Variants in SNX31 observed in about 807,000 individuals in gnomAD.
SNX31 encodes the protein sorting nexin-31.
Under a neutral mutation model 65.4 loss-of-function variants are expected in SNX31, and 58 were observed. That is an observed-to-expected ratio of 0.89 (90% CI 0.72 to 1.10). The LOEUF (loss-of-function observed/expected upper bound fraction) is 1.10. Among genes scored for constraint, SNX31 ranks in the 50% least tolerant of loss-of-function variants. The probability of loss-of-function intolerance (pLI) is 0.00; values close to 1 mark genes in which losing one functional copy is unlikely to be tolerated. For synonymous variants in SNX31, 181 were observed against 190.1 expected, an observed-to-expected ratio of 0.95 and a Z score of 0.39; for missense variants, 523 against 529.7, an observed-to-expected ratio of 0.99 and a Z score of 0.12.
At chr8:100,589,191 C>A (rs1814344276) in intron 10 of SNX31, among the ~76,000 whole-genome samples, 1 of 150,802 alleles carries the variant, frequency 6.6e-6, no homozygotes, top group Non-Finnish European at 1.5e-5. Flanking sequence ...ATCCCAGCTA[C>A]TTGGGAGGCT....
chr8:100,596,815 G>T lies in SNX31; in HGVS notation c.802C>A (p.His268Asn). ...GGATCCAGCTGCAGGTATCCATAGTGCCGTACCTCCCGGGCCAGCTCCAAA... is the reference window on the plus strand; with the variant it reads ...GGATCCAGCTGCAGGTATCCATAGTTCCGTACCTCCCGGGCCAGCTCCAAA... ...KFLELAREVR[H>N]YGYLQLDPCT... Residue 268 changes from histidine to asparagine, a missense_variant, in exon 10 of 14, where the codon CAC (histidine) becomes AAC (asparagine). Physicochemically the swap from His to Asn is moderately conservative, Grantham distance 68. Transcript: ENST00000311812. 6.2e-7 allele frequency: 1 copy of T among 1,613,894 alleles called. No homozygotes were observed. The highest frequency in any genetic ancestry group is 1.7e-4 in the Middle Eastern group (1 of 5,860).
In SNX31 at chr8:100,609,141, C is replaced by G. The variant is rs533196153; in HGVS notation, c.612-578G>C. ...TCAAGGCCCTTCCGGGGACCACCCC[C>G]ACTTTCATTTCCAGTTCCATCTCTC... On this transcript the variant is annotated intron_variant, in intron 7 of 13. Transcript: ENST00000311812. The surrounding 1 kb of genome is among the most constrained non-coding windows in gnomAD (Gnocchi z 4.9). Among the ~76,000 whole-genome samples the G allele has an allele frequency of 6.6e-6, 1 of 152,162 alleles. No homozygotes were observed. Among genetic ancestry groups the G allele is most frequent in the Non-Finnish European group, 1.5e-5 (1 of 68,038 alleles).
chr8:100,636,768 C>T (rs979469995), intron 2 of SNX31, among the ~76,000 whole-genome samples: 1 of 152,064 alleles, frequency 6.6e-6, no homozygotes, highest in Non-Finnish European at 1.5e-5. Flanking sequence ...GTTGCCCAGG[C>T]TGGAGTGCAA....
At chr8:100,627,047 T>A (rs1230016973) in intron 4 of SNX31, among the ~76,000 whole-genome samples, 1 of 152,096 alleles carries the variant, frequency 6.6e-6, no homozygotes, top group Non-Finnish European at 1.5e-5. Flanking sequence ...TTTCAAATTA[T>A]CAGGAAAATA....
chr8:100,581,266 T>G (rs1219773524), intron 12 of SNX31, among the ~76,000 whole-genome samples: 1 of 150,816 alleles, frequency 6.6e-6, no homozygotes, highest in Non-Finnish European at 1.5e-5. Flanking sequence ...ACCACTGCAC[T>G]CCAGCCTGGG....
chr8:100,644,225 G>T (rs1819470588), intron 2 of SNX31, among the ~76,000 whole-genome samples: 1 of 152,112 alleles, frequency 6.6e-6, no homozygotes, highest in Admixed American at 6.6e-5. Context: ...TCCTACTGAC[G>T]GGTCCTTTGC....
At chr8:100,603,839 G>A (rs1174576750) in intron 8 of SNX31, among the ~76,000 whole-genome samples, 5 of 151,828 alleles carry the variant, frequency 3.3e-5, no homozygotes, top group Admixed American at 2.0e-4. Context: ...CTGGGCTTAA[G>A]CCATAGTCTT....
chr8:100,619,433 G>A (rs1018177435), intron 4 of SNX31, among the ~76,000 whole-genome samples: 1 of 152,202 alleles, frequency 6.6e-6, no homozygotes, highest in Non-Finnish European at 1.5e-5. Flanking sequence ...TCCTGCAAGG[G>A]GAAGGATGTG....
chr8:100,608,160 T>C (rs1816348255), intron 8 of SNX31, among the ~76,000 whole-genome samples: 1 of 152,256 alleles, frequency 6.6e-6, no homozygotes, highest in African/African-American at 2.4e-5. Flanking sequence ...ATTGTTATCG[T>C]GGTAAAATAT....
intron 2 of SNX31, among the ~76,000 whole-genome samples, chr8:100,637,274 C>G (rs1818844786): frequency 6.6e-6 from 1 of 152,148 alleles, no homozygotes; most frequent in African/African-American, 2.4e-5. Context: ...AGGTAAGGCA[C>G]AGATTCATTC....
intron 12 of SNX31, 82 bp from the exon 13 acceptor site, chr8:100,577,157 C>G (rs1046785139): frequency 1.6e-6 from 2 of 1,213,722 alleles, no homozygotes; most frequent in African/African-American, 3.0e-5. Flanking sequence ...CACACTTTCC[C>G]TTCCACGATA....
At chr8:100,644,898 A>G (rs549618156) in intron 2 of SNX31, among the ~76,000 whole-genome samples, 38 of 152,306 alleles carry the variant, frequency 2.5e-4, no homozygotes, top group African/African-American at 7.9e-4. Flanking sequence ...CTTGAGCTGA[A>G]GTGATCCACC....
intron 4 of SNX31, among the ~76,000 whole-genome samples, chr8:100,620,915 C>T (rs150012249): frequency 4.6e-5 from 7 of 151,952 alleles, no homozygotes; most frequent in South Asian, 4.1e-4. Flanking sequence ...GTCAGGAGTT[C>T]GAGACCAGCT....
chr8:100,591,476 G>C (rs1814577281), intron 10 of SNX31, among the ~76,000 whole-genome samples: 2 of 130,030 alleles, frequency 1.5e-5, no homozygotes, highest in African/African-American at 6.2e-5. Flanking sequence ...GCAACAGAGT[G>C]AGACTCCGTC....
At chr8:100,632,283 C>G (rs1818464247) in intron 3 of SNX31, among the ~76,000 whole-genome samples, 1 of 152,104 alleles carries the variant, frequency 6.6e-6, no homozygotes, top group Non-Finnish European at 1.5e-5. Context: ...ATTAAAGGAA[C>G]ATTTTGCTAA....
Position 100,614,750 on chromosome 8 carries a change from C to T in SNX31, c.433-1665G>A, listed in dbSNP as rs910217889. 1.3e-5 allele frequency among the ~76,000 whole-genome samples: 2 copies of T among 152,068 alleles called. No individual in the cohort carries two copies. Among genetic ancestry groups the T allele is most frequent in the African/African-American group, 2.4e-5 (1 of 41,398 alleles). The stretch of plus-strand genomic sequence containing the variant: ...CAAAAATTAGCTGGGTATGGTGGCA[C>T]GTGCTTGTAATCCCAGCTACTCAGG... On this transcript the variant is annotated intron_variant, in intron 5 of 13. Transcript: ENST00000311812. The surrounding 1 kb of genome is among the most constrained non-coding windows in gnomAD (Gnocchi z 5.1).
Position 100,630,317 on chromosome 8 carries a change from G to A in SNX31, c.321+10C>T. ...GGAATGATGGCCCCATTAAAGAAGA[G>A]CAAGCTTACCAGCTGCGCCAGTTTT... On this transcript the variant is annotated intron_variant, in intron 4 of 13. Coordinates refer to ENST00000311812, the MANE Select transcript of SNX31 (RefSeq NM_152628.4). This position sits in a 1 kb window ranked among gnomAD's most constrained non-coding sequence, Gnocchi z 5.3. 6.2e-7 allele frequency: 1 copy of A among 1,613,178 alleles called. No homozygotes were observed. The highest frequency in any genetic ancestry group is 8.5e-7 in the Non-Finnish European group (1 of 1,179,492).
intron 1 of SNX31, among the ~76,000 whole-genome samples, chr8:100,657,459 A>AAAAAAAG (rs1199319783): frequency 6.6e-6 from 1 of 151,638 alleles, no homozygotes; most frequent in Admixed American, 6.6e-5. Flanking sequence ...ACTCAAAAAA[A>AAAAAAAG]AAAAAAGAAA....
At chr8:100,584,786 T>C (rs1426995049) in intron 11 of SNX31, among the ~76,000 whole-genome samples, 1 of 150,734 alleles carries the variant, frequency 6.6e-6, no homozygotes, top group Non-Finnish European at 1.5e-5. Flanking sequence ...TCTCACTCTG[T>C]CACCCAGGCT....
Sources: allele counts gnomAD v4.1 joint callset (sites outside exome capture counted in the v4.1 genomes callset), GRCh38; gene constraint gnomAD v4.1.1; non-coding constraint Gnocchi (gnomAD v3.1); transcripts MANE v1.5; gene names NCBI Gene and HGNC (gene_info 2026-07-23, HGNC 2026-07-21).